Variants in DLEU7 observed in about 807,000 individuals in gnomAD.
DLEU7 encodes the protein leukemia-associated protein 7.
In DLEU7, 17 loss-of-function variants were observed where a neutral mutation model predicts 16.0. The ratio of observed to expected loss-of-function variants is 1.06; its 90% CI spans 0.73 to 1.59. The LOEUF is 1.59. Ranked by LOEUF, DLEU7 falls within the 40% of genes most tolerant of loss-of-function variation. DLEU7 has a pLI of 0.00. For missense variants in DLEU7, 308 were observed against 314.9 expected, an observed-to-expected ratio of 0.98 and a Z score of 0.17; for synonymous variants, 113 against 139.8, an observed-to-expected ratio of 0.81 and a Z score of 1.35.
intron 1 of DLEU7, among the ~76,000 whole-genome samples, chr13:50,729,953 GATAAC>G (rs1386443336): frequency 6.6e-6 from 1 of 151,910 alleles, no homozygotes; most frequent in Admixed American, 6.6e-5. Flanking sequence ...AAGGCTTCCA[GATAAC>G]ATAAACAGTT....
chr13:50,726,118 AACTACATG>A lies in DLEU7; in HGVS notation c.460-12886_460-12879del, dbSNP rs564033881. Among the ~76,000 whole-genome samples, 55 of 152,222 alleles carry A rather than the reference AACTACATG, an allele frequency of 3.6e-4. No homozygotes were observed. Among genetic ancestry groups the A allele is most frequent in the Non-Finnish European group, 6.6e-4 (45 of 68,012 alleles). ...GTAACGGTGAAAATTATAGTCAACA[AACTACATG>A]ACTGCTTTCCCTACTTCTGCCCTGT... On this transcript the variant is annotated intron_variant, in intron 1 of 1. Transcript: ENST00000400393. The surrounding 1 kb of genome is among the most constrained non-coding windows in gnomAD (Gnocchi z 4.0).
intron 1 of DLEU7, among the ~76,000 whole-genome samples, chr13:50,745,204 T>C (rs977898218): frequency 6.6e-6 from 1 of 152,178 alleles, no homozygotes; most frequent in Non-Finnish European, 1.5e-5. Context: ...AAATGTGGCA[T>C]ATACATAAAA....
chr13:50,743,678 A>G (rs541354373), intron 1 of DLEU7, among the ~76,000 whole-genome samples: 1 of 152,338 alleles, frequency 6.6e-6, no homozygotes, highest in East Asian at 1.9e-4. Flanking sequence ...GAATTAAAAT[A>G]TGATTAAGGA....
intron 1 of DLEU7, among the ~76,000 whole-genome samples, chr13:50,835,248 C>T (rs938173571): frequency 3.3e-5 from 5 of 152,272 alleles, no homozygotes; most frequent in South Asian, 4.1e-4. Context: ...CCAAATGATG[C>T]CAGGTGCAGT....
At chr13:50,787,939 A>T (rs1029827284) in intron 1 of DLEU7, among the ~76,000 whole-genome samples, 3 of 151,896 alleles carry the variant, frequency 2.0e-5, no homozygotes, top group African/African-American at 7.3e-5. Context: ...ACTCTGATGG[A>T]TCCTCTGCTG....
chr13:50,802,016 T>A (rs1327763184), intron 1 of DLEU7, among the ~76,000 whole-genome samples: 3 of 146,704 alleles, frequency 2.0e-5, no homozygotes, highest in Non-Finnish European at 3.0e-5. Flanking sequence ...TCAGTGCCAC[T>A]AAAGGTGGGC....
intron 1 of DLEU7, among the ~76,000 whole-genome samples, chr13:50,756,792 G>T (rs1004438076): frequency 6.6e-6 from 1 of 152,112 alleles, no homozygotes; most frequent in Non-Finnish European, 1.5e-5. Context: ...TTCTTCCTGT[G>T]GTGTTTTCCC....
rs1055389843 is a variant in DLEU7 at position 50,713,387 on chromosome 13, C to T, written c.460-147G>A. The stretch of plus-strand genomic sequence containing the variant: ...TGGGCTAACACACATTTCTTGGCTA[C>T]CCATTATAGATAATTACATGAGAAA... On this transcript the variant is annotated intron_variant, in intron 1 of 1. Coordinates refer to the DLEU7 transcript ENST00000400393. 7.9e-6 allele frequency: 8 copies of T among 1,009,450 alleles called. No homozygotes were observed. The African/African-American group carries it at 9.6e-5, about 12-fold the overall frequency. The allele number at this position is 1,009,450 out of a possible 1,614,324, so 62.5% of individuals were successfully genotyped here. A position where few individuals can be genotyped will look rare whatever the true frequency, so the allele number is the denominator to read the frequency against.
At chr13:50,828,808 A>G (rs1877171830) in intron 1 of DLEU7, among the ~76,000 whole-genome samples, 1 of 152,222 alleles carries the variant, frequency 6.6e-6, no homozygotes, top group East Asian at 1.9e-4. Flanking sequence ...ATTTCAACTT[A>G]GCAAACAGTG....
intron 1 of DLEU7, among the ~76,000 whole-genome samples, chr13:50,831,925 G>A (rs1410186730): frequency 6.6e-6 from 1 of 152,172 alleles, no homozygotes; most frequent in Non-Finnish European, 1.5e-5. Flanking sequence ...ATGTTCATCA[G>A]GGATATTGGC....
At chr13:50,791,288 C>T (rs369866494) in intron 1 of DLEU7, among the ~76,000 whole-genome samples, 58 of 152,276 alleles carry the variant, frequency 3.8e-4, no homozygotes, top group African/African-American at 1.3e-3. Context: ...CCTATGCTTT[C>T]TCCTGCTCAC....
At chr13:50,747,218 G>T (rs1874425038) in intron 1 of DLEU7, among the ~76,000 whole-genome samples, 2 of 152,024 alleles carry the variant, frequency 1.3e-5, no homozygotes, top group African/African-American at 4.8e-5. Flanking sequence ...TCTGCAGGTT[G>T]GGAAACTATA....
At chr13:50,755,760 G>A (rs1226951714) in intron 1 of DLEU7, among the ~76,000 whole-genome samples, 2 of 151,852 alleles carry the variant, frequency 1.3e-5, no homozygotes, top group Non-Finnish European at 2.9e-5. Flanking sequence ...TTTGAGGGGG[G>A]GGGCACGGTA....
intron 1 of DLEU7, among the ~76,000 whole-genome samples, chr13:50,746,954 TACACAC>T (rs3059124): frequency 1.3e-5 from 2 of 150,912 alleles, no homozygotes; most frequent in African/African-American, 2.4e-5. Context: ...TTGTGGAACG[TACACAC>T]ACACACACAC....
chr13:50,745,586 C>T (rs1874371097), intron 1 of DLEU7, among the ~76,000 whole-genome samples: 2 of 152,092 alleles, frequency 1.3e-5, no homozygotes, highest in South Asian at 2.1e-4. Flanking sequence ...AATATATACA[C>T]ATTTGTGGTT....
chr13:50,766,231 G>A (rs898309368), intron 1 of DLEU7, among the ~76,000 whole-genome samples: 2 of 152,116 alleles, frequency 1.3e-5, no homozygotes, highest in Admixed American at 1.3e-4. Context: ...GTTTAAAGAA[G>A]GATACTGTCA....
intron 1 of DLEU7, among the ~76,000 whole-genome samples, chr13:50,797,275 C>G (rs1411084954): frequency 6.6e-6 from 1 of 152,052 alleles, no homozygotes; most frequent in Non-Finnish European, 1.5e-5. Flanking sequence ...GAATCACAGC[C>G]TGGAGTCCAA....
At chr13:50,752,993 G>A (rs149680682) in intron 1 of DLEU7, among the ~76,000 whole-genome samples, 2,065 of 152,196 alleles carry the variant, frequency 0.014, 40 homozygotes, top group African/African-American at 0.047. Context: ...TAGACACAAA[G>A]GTTCTCCTCG....
chr13:50,774,611 T>C (rs139835158), intron 1 of DLEU7, among the ~76,000 whole-genome samples: 13 of 152,274 alleles, frequency 8.5e-5, no homozygotes, highest in Non-Finnish European at 5.9e-5. Flanking sequence ...ATTTGCGGAG[T>C]TTCATGAATG....
Sources: allele counts gnomAD v4.1 joint callset (sites outside exome capture counted in the v4.1 genomes callset), GRCh38; gene constraint gnomAD v4.1.1; non-coding constraint Gnocchi (gnomAD v3.1); transcripts MANE v1.5; gene names NCBI Gene and HGNC (gene_info 2026-07-23, HGNC 2026-07-21).